The following PCDH7 variants were observed in gnomAD, a reference collection of about 807,000 sequenced individuals.
PCDH7 encodes the protein protocadherin-7.
Under a neutral mutation model 58.9 loss-of-function variants are expected in PCDH7, and 17 were observed. The ratio of observed to expected loss-of-function variants is 0.29; its 90% CI spans 0.20 to 0.43. The LOEUF (loss-of-function observed/expected upper bound fraction) is 0.43, where lower values mean the gene tolerates loss of function less well. PCDH7 is among the 20% of genes least tolerant of loss of function. The probability of loss-of-function intolerance (pLI) is 1.00; values close to 1 mark genes in which losing one functional copy is unlikely to be tolerated. For missense variants in PCDH7, 1,274 were observed against 1,441.0 expected, an observed-to-expected ratio of 0.88 and a Z score of 1.88; for synonymous variants, 664 against 616.4, an observed-to-expected ratio of 1.08 and a Z score of -1.14.
chr4:31,094,353 T>C (rs1187459020), intron 3 of PCDH7, among the ~76,000 whole-genome samples: 1 of 152,132 alleles, frequency 6.6e-6, no homozygotes, highest in Non-Finnish European at 1.5e-5. Context: ...TGCATTAAAA[T>C]GACAGATTGC....
At chr4:31,039,827 AATAATCTCGTGATT>A (rs1755708429) in intron 3 of PCDH7, among the ~76,000 whole-genome samples, 1 of 152,196 alleles carries the variant, frequency 6.6e-6, no homozygotes, top group Non-Finnish European at 1.5e-5. Context: ...AATTATAAGC[AATAATCTCGTGATT>A]ATATCTTCAA....
At position 31,050,552 on chromosome 4, in the gene PCDH7, T is replaced by C. The variant is rs369415521; in HGVS notation, c.*8-91921T>C. Reference sequence around the variant, plus strand: ...AATATGATCCATGCTTCATTGTGATTGCCCTTGTTCAAGTATTGATTAGGC... The same window carrying C: ...AATATGATCCATGCTTCATTGTGATCGCCCTTGTTCAAGTATTGATTAGGC... On this transcript the variant is annotated intron_variant, in intron 3 of 3. Transcript: ENST00000509759. Among the ~76,000 whole-genome samples, 24 of 152,270 alleles carry C rather than the reference T, an allele frequency of 1.6e-4. No homozygotes were observed. The East Asian group carries it at 3.9e-3, about 24-fold the overall frequency.
At chr4:30,949,630 A>T (rs1747128284) in intron 2 of PCDH7, among the ~76,000 whole-genome samples, 1 of 152,092 alleles carries the variant, frequency 6.6e-6, no homozygotes, top group Admixed American at 6.6e-5. Context: ...AATAAGTTGA[A>T]GTTGTTTTCA....
intron 3 of PCDH7, among the ~76,000 whole-genome samples, chr4:31,124,480 G>T (rs1718059110): frequency 6.6e-6 from 1 of 152,122 alleles, no homozygotes; most frequent in South Asian, 2.1e-4. Context: ...ATTACACCAT[G>T]CATGGTTCCT....
At chr4:31,084,710 G>GGAGGGGAGGGGAGAA (rs1432522222) in intron 3 of PCDH7, among the ~76,000 whole-genome samples, 1 of 111,310 alleles carries the variant, frequency 9.0e-6, no homozygotes, top group African/African-American at 3.4e-5. Flanking sequence ...GGAAAAGGGA[G>GGAGGGGAGGGGAGAA]GAGGGGAGGG....
chr4:30,933,081 C>T (rs1332882483), intron 2 of PCDH7, among the ~76,000 whole-genome samples: 1 of 151,348 alleles, frequency 6.6e-6, no homozygotes, highest in African/African-American at 2.4e-5. Flanking sequence ...GGCTGGAGTG[C>T]AGTGGCCTGA....
intron 3 of PCDH7, among the ~76,000 whole-genome samples, chr4:31,103,985 G>C (rs1322990900): frequency 6.6e-6 from 1 of 152,052 alleles, no homozygotes; most frequent in Admixed American, 6.5e-5. Flanking sequence ...TACTTATGCT[G>C]TTCCCTTGAC....
At chr4:31,098,780 A>G (rs949425160) in intron 3 of PCDH7, among the ~76,000 whole-genome samples, 1 of 152,206 alleles carries the variant, frequency 6.6e-6, no homozygotes, top group Non-Finnish European at 1.5e-5. Flanking sequence ...TCAATTTACT[A>G]GGGCTGCCAT....
intron 1 of PCDH7, among the ~76,000 whole-genome samples, chr4:30,768,030 A>G (rs1415969048): frequency 6.6e-6 from 1 of 152,168 alleles, no homozygotes; most frequent in Non-Finnish European, 1.5e-5. Flanking sequence ...AATAATTTTA[A>G]TAGTCATTTT....
intron 3 of PCDH7, among the ~76,000 whole-genome samples, chr4:30,959,267 A>G (rs539393587): frequency 6.6e-6 from 1 of 152,042 alleles, no homozygotes; most frequent in South Asian, 2.1e-4. Flanking sequence ...TTTAAGCCAA[A>G]CATTTATTGT....
At chr4:31,097,272 C>G (rs1353067068) in intron 3 of PCDH7, among the ~76,000 whole-genome samples, 2 of 151,730 alleles carry the variant, frequency 1.3e-5, no homozygotes, top group Admixed American at 1.3e-4. Flanking sequence ...GGCTGGCCAA[C>G]ATGGTGAAAC....
intron 1 of PCDH7, among the ~76,000 whole-genome samples, chr4:30,913,915 A>AT (rs1394802897): frequency 6.6e-6 from 1 of 152,108 alleles, no homozygotes; most frequent in East Asian, 1.9e-4. Context: ...ATAAATCCTA[A>AT]TTTGCTATGT....
chr4:30,821,859 T>C (rs1007808954), intron 1 of PCDH7, among the ~76,000 whole-genome samples: 3 of 152,152 alleles, frequency 2.0e-5, no homozygotes, highest in African/African-American at 7.2e-5. Flanking sequence ...TGAAATGGCT[T>C]CTGCATACTG....
chr4:31,069,857 T>TGG (rs1758398843), intron 3 of PCDH7, among the ~76,000 whole-genome samples: 1 of 151,456 alleles, frequency 6.6e-6, no homozygotes, highest in Non-Finnish European at 1.5e-5. Flanking sequence ...TATAAATTAA[T>TGG]CTCAAATTTT....
chr4:30,794,583 T>C (rs1724548915), intron 1 of PCDH7, among the ~76,000 whole-genome samples: 1 of 151,846 alleles, frequency 6.6e-6, no homozygotes, highest in Admixed American at 6.6e-5. Context: ...TTCATTGTTA[T>C]GCAAAACCTT....
At chr4:31,058,251 G>A (rs894881059) in intron 3 of PCDH7, among the ~76,000 whole-genome samples, 2 of 151,992 alleles carry the variant, frequency 1.3e-5, no homozygotes, top group Non-Finnish European at 2.9e-5. Flanking sequence ...AAGGAATTGG[G>A]TGATACCCAT....
At chr4:31,135,057 C>T (rs1362485058) in intron 3 of PCDH7, among the ~76,000 whole-genome samples, 3 of 152,128 alleles carry the variant, frequency 2.0e-5, no homozygotes, top group South Asian at 4.1e-4. Flanking sequence ...ATGAAATCTT[C>T]ATAGCTCATG....
chr4:30,805,211 C>T (rs967857893), intron 1 of PCDH7, among the ~76,000 whole-genome samples: 3 of 152,138 alleles, frequency 2.0e-5, no homozygotes, highest in Non-Finnish European at 2.9e-5. Flanking sequence ...GTATCACCAT[C>T]CCGGACTTCT....
Position 31,074,608 on chromosome 4 carries a change from C to A in PCDH7, c.*8-67865C>A, listed in dbSNP as rs190856870. ...GACCAACTTGGCTAACATGGTGAAA[C>A]CCTGTCTCTACTAAAAATACAAAAA... On this transcript the variant is annotated intron_variant, in intron 3 of 3. Coordinates refer to the PCDH7 transcript ENST00000509759. 9.2e-3 allele frequency among the ~76,000 whole-genome samples: 1,303 copies of A among 142,364 alleles called. 13 individuals carry two copies. Among genetic ancestry groups the A allele is most frequent in the African/African-American group, 0.038 (1,247 of 32,712 alleles). 93.4% of individuals were successfully genotyped at this position (142,364 alleles called of 152,430 possible). A position where few individuals can be genotyped will look rare whatever the true frequency, so the allele number is the denominator to read the frequency against.
Sources: gnomAD v4.1 joint callset for allele counts (sites outside exome capture counted in the v4.1 genomes callset) on GRCh38, gnomAD v4.1.1 for gene constraint, MANE v1.5 for transcripts, NCBI Gene and HGNC (gene_info 2026-07-23, HGNC 2026-07-21) for gene names.